NRG1: variants seen among roughly 807,000 people sequenced by gnomAD.
NRG1 encodes the protein pro-neuregulin-1, membrane-bound isoform.
NRG1 carries 18 observed loss-of-function variants against 63.8 expected under a neutral mutation model. That is an observed-to-expected ratio of 0.28 (90% CI 0.19 to 0.42). The LOEUF (loss-of-function observed/expected upper bound fraction) is 0.42, where lower values mean the gene tolerates loss of function less well. Among genes scored for constraint, NRG1 ranks in the 10% least tolerant of loss-of-function variants. The pLI is 1.00. For missense variants in NRG1, 762 were observed against 814.7 expected, an observed-to-expected ratio of 0.94 and a Z score of 0.79; for synonymous variants, 302 against 301.3, an observed-to-expected ratio of 1.00 and a Z score of -0.02.
At chr8:32,129,703 A>G (rs2131618262) in intron 1 of NRG1, among the ~76,000 whole-genome samples, 1 of 152,056 alleles carries the variant, frequency 6.6e-6, no homozygotes, top group African/African-American at 2.4e-5. Flanking sequence ...GGGTGGAAAA[A>G]GCTTCCCCAG....
intron 1 of NRG1, among the ~76,000 whole-genome samples, chr8:32,517,946 C>G (rs1318559344): frequency 6.6e-6 from 1 of 151,988 alleles, no homozygotes; most frequent in Non-Finnish European, 1.5e-5. Context: ...AAGATCAAAT[C>G]TAGGACAGAG....
intron 5 of NRG1, among the ~76,000 whole-genome samples, chr8:32,632,870 C>T (rs1275319848): frequency 6.6e-6 from 1 of 152,134 alleles, no homozygotes; most frequent in East Asian, 1.9e-4. Flanking sequence ...ATTTGACATG[C>T]CAATGATTTT....
At chr8:32,687,007 C>G (rs1671451480) in intron 5 of NRG1, among the ~76,000 whole-genome samples, 1 of 152,148 alleles carries the variant, frequency 6.6e-6, no homozygotes, top group African/African-American at 2.4e-5. Flanking sequence ...CTAACTTCTT[C>G]ATAATCTTGT....
At chr8:31,812,210 G>A (rs1189290379) in intron 1 of NRG1, among the ~76,000 whole-genome samples, 1 of 152,156 alleles carries the variant, frequency 6.6e-6, no homozygotes, top group East Asian at 1.9e-4. Context: ...AGAAAAACAG[G>A]AATGAATACA....
chr8:32,150,302 A>G (rs1463969609), intron 1 of NRG1, among the ~76,000 whole-genome samples: 1 of 152,220 alleles, frequency 6.6e-6, no homozygotes, highest in Non-Finnish European at 1.5e-5. Context: ...GTGTAGCTAC[A>G]GGGACAAGAA....
intron 1 of NRG1, among the ~76,000 whole-genome samples, chr8:31,648,518 GACC>G (rs1219050453): frequency 6.6e-6 from 1 of 152,060 alleles, no homozygotes; most frequent in Non-Finnish European, 1.5e-5. Flanking sequence ...CCATACTCTT[GACC>G]TTGTAAAACC....
chr8:32,400,416 A>G (rs1450789047), intron 1 of NRG1, among the ~76,000 whole-genome samples: 1 of 152,214 alleles, frequency 6.6e-6, no homozygotes, highest in Admixed American at 6.5e-5. Flanking sequence ...AAGACCTAAT[A>G]TCCAGAATCT....
At chr8:31,732,753 G>A (rs1466477604) in intron 1 of NRG1, among the ~76,000 whole-genome samples, 1 of 151,944 alleles carries the variant, frequency 6.6e-6, no homozygotes, top group African/African-American at 2.4e-5. Flanking sequence ...AAATTAGCCG[G>A]GCATGGTGAT....
At chr8:32,760,688 A>G (rs1221841404) in intron 11 of NRG1, 1 of 1,221,612 alleles carries the variant, frequency 8.2e-7, no homozygotes, top group African/African-American at 1.5e-5. Context: ...AGCTCTGGCC[A>G]TGGGCTCAGA....
intron 1 of NRG1, among the ~76,000 whole-genome samples, chr8:32,010,046 C>A (rs1201750513): frequency 2.0e-5 from 3 of 152,002 alleles, no homozygotes; most frequent in Non-Finnish European, 4.4e-5. Flanking sequence ...TGCTTGCAGG[C>A]TGAGCTAAAA....
At chr8:31,711,276 C>T (rs1041317366) in intron 1 of NRG1, among the ~76,000 whole-genome samples, 5 of 152,172 alleles carry the variant, frequency 3.3e-5, no homozygotes, top group African/African-American at 1.2e-4. Context: ...CTACTACTGT[C>T]GTCAAGAAAG....
chr8:31,765,167 G>T (rs1817937106), intron 1 of NRG1, among the ~76,000 whole-genome samples: 1 of 151,744 alleles, frequency 6.6e-6, no homozygotes, highest in South Asian at 2.1e-4. Context: ...AATTTATTTT[G>T]TATGTTTATC....
chr8:31,791,709 C>A (rs953039022), intron 1 of NRG1, among the ~76,000 whole-genome samples: 8 of 152,130 alleles, frequency 5.3e-5, no homozygotes, highest in African/African-American at 1.9e-4. Flanking sequence ...GCTGTATTCA[C>A]ATCTGGTGGC....
intron 1 of NRG1, among the ~76,000 whole-genome samples, chr8:32,387,310 A>T (rs1263430117): frequency 6.6e-6 from 1 of 152,232 alleles, no homozygotes; most frequent in Non-Finnish European, 1.5e-5. Context: ...AGTTCAGAAC[A>T]TGAGAAAGAG....
chr8:31,727,280 A>C (rs140742806), intron 1 of NRG1, among the ~76,000 whole-genome samples: 181 of 152,250 alleles, frequency 1.2e-3, no homozygotes, highest in African/African-American at 4.0e-3. Context: ...GCTTTACTTC[A>C]CAAACAAAAA....
chr8:31,882,711 A>G (rs559784749), intron 1 of NRG1, among the ~76,000 whole-genome samples: 1 of 152,238 alleles, frequency 6.6e-6, no homozygotes, highest in South Asian at 2.1e-4. Context: ...TCCGGTCCTC[A>G]CAGATGACTT....
intron 1 of NRG1, among the ~76,000 whole-genome samples, chr8:32,243,467 T>G (rs1459241488): frequency 6.6e-6 from 1 of 151,548 alleles, no homozygotes. Context: ...AGTCATTGGA[T>G]TAGGGCCCAC....
chr8:31,953,535 C>T (rs1334570202), intron 1 of NRG1, among the ~76,000 whole-genome samples: 6 of 152,074 alleles, frequency 3.9e-5, no homozygotes, highest in Non-Finnish European at 8.8e-5. Flanking sequence ...GTCTGTGAGT[C>T]AAAGTACACA....
chr8:32,583,804 A>G (rs1029576428), intron 1 of NRG1, among the ~76,000 whole-genome samples: 15 of 152,208 alleles, frequency 9.9e-5, no homozygotes, highest in African/African-American at 3.6e-4. Context: ...GCACGAAAAA[A>G]GCTGTACACA....
Sources: gnomAD v4.1 joint callset for allele counts (sites outside exome capture counted in the v4.1 genomes callset) on GRCh38, gnomAD v4.1.1 for gene constraint, MANE v1.5 for transcripts, NCBI Gene and HGNC (gene_info 2026-07-23, HGNC 2026-07-21) for gene names.